PRKG1: variants seen among roughly 807,000 people sequenced by gnomAD.
PRKG1 encodes protein kinase cGMP-dependent 1, also known as cGMP-dependent protein kinase 1.
Under a neutral mutation model 88.1 loss-of-function variants are expected in PRKG1, and 35 were observed. That is an observed-to-expected ratio of 0.40 (90% CI 0.30 to 0.53). The LOEUF is 0.53. Ranked by LOEUF, PRKG1 falls within the 20% of genes least tolerant of loss-of-function variation. The pLI is 0.59. For synonymous variants in PRKG1, 303 were observed against 292.5 expected (o/e 1.04, Z -0.37); for missense variants, 540 against 839.8 (o/e 0.64, Z 4.41).
intron 5 of PRKG1, among the ~76,000 whole-genome samples, chr10:51,978,285 T>C (rs1055004362): frequency 6.6e-6 from 1 of 152,048 alleles, no homozygotes; most frequent in Non-Finnish European, 1.5e-5. Context: ...TGTGACCTTA[T>C]TACTCGTCTC....
intron 16 of PRKG1, among the ~76,000 whole-genome samples, 175 bp downstream of exon 16, chr10:52,289,168 T>C (rs1317766598): frequency 6.6e-6 from 1 of 152,154 alleles, no homozygotes; most frequent in Non-Finnish European, 1.5e-5. Flanking sequence ...ACCTTATTTA[T>C]ATTTATCTGA....
At chr10:52,152,874 G>T (rs1001589029) in intron 8 of PRKG1, among the ~76,000 whole-genome samples, 4 of 152,072 alleles carry the variant, frequency 2.6e-5, no homozygotes. Flanking sequence ...GGAAGGAAGA[G>T]GACAATCTAG....
chr10:52,179,500 C>T (rs559392174), intron 9 of PRKG1, among the ~76,000 whole-genome samples: 1 of 152,162 alleles, frequency 6.6e-6, no homozygotes, highest in African/African-American at 2.4e-5. Flanking sequence ...TGACACTTTT[C>T]TCTTGCTGTT....
intron 2 of PRKG1, among the ~76,000 whole-genome samples, chr10:51,374,433 T>C (rs1393684071): frequency 1.3e-5 from 2 of 152,136 alleles, no homozygotes; most frequent in South Asian, 4.2e-4. Context: ...TCCTTTTTTA[T>C]GGCTGCAGAG....
At chr10:51,993,106 A>C in intron 5 of PRKG1, among the ~76,000 whole-genome samples, 1 of 152,218 alleles carries the variant, frequency 6.6e-6, no homozygotes, top group East Asian at 1.9e-4. Context: ...ATGAGAAAAA[A>C]TGTTAGTAAC....
chr10:51,017,837 T>C (rs1425871183), intron 1 of PRKG1, among the ~76,000 whole-genome samples: 2 of 152,194 alleles, frequency 1.3e-5, no homozygotes, highest in East Asian at 3.9e-4. Context: ...TCTTGCTTTG[T>C]TGTCCAAGCT....
At chr10:52,278,163 C>A (rs1460616257) in intron 12 of PRKG1, among the ~76,000 whole-genome samples, 1 of 152,084 alleles carries the variant, frequency 6.6e-6, no homozygotes, top group African/African-American at 2.4e-5. Context: ...AGGATATGAA[C>A]AGACACTTCT....
intron 3 of PRKG1, among the ~76,000 whole-genome samples, chr10:51,626,329 T>C (rs1053035844): frequency 5.3e-5 from 8 of 152,236 alleles, no homozygotes; most frequent in Non-Finnish European, 1.2e-4. Flanking sequence ...AAAAACATAG[T>C]TGACATTTTA....
chr10:52,100,324 A>G (rs1284624304), intron 7 of PRKG1, among the ~76,000 whole-genome samples: 2 of 152,246 alleles, frequency 1.3e-5, no homozygotes, highest in Non-Finnish European at 2.9e-5. Flanking sequence ...GTGTTTGACT[A>G]GTTTTCCAGG....
intron 3 of PRKG1, among the ~76,000 whole-genome samples, chr10:51,738,321 C>A (rs1218104206): frequency 5.3e-5 from 8 of 152,062 alleles, no homozygotes; most frequent in Non-Finnish European, 1.0e-4. Context: ...TTTGTAGGAT[C>A]CATGTCTAGG....
At chr10:51,500,087 AT>A (rs775937084) in intron 3 of PRKG1, among the ~76,000 whole-genome samples, 1 of 152,112 alleles carries the variant, frequency 6.6e-6, no homozygotes, top group Non-Finnish European at 1.5e-5. Context: ...TTCAATATTT[AT>A]TTTTTTATTG....
chr10:51,065,488 T>A (rs994517662), intron 1 of PRKG1, among the ~76,000 whole-genome samples: 5 of 151,872 alleles, frequency 3.3e-5, no homozygotes, highest in Non-Finnish European at 5.9e-5. Flanking sequence ...TAGGGATGTA[T>A]TTTTTTTCCA....
chr10:52,173,975 T>C lies in PRKG1; in HGVS notation c.1076+12012T>C, dbSNP rs551181879. On this transcript the variant is annotated intron_variant, in intron 9 of 17. Coordinates refer to ENST00000373980, the MANE Select transcript of PRKG1 (RefSeq NM_006258.4). Reference sequence around the variant, plus strand: ...ACTAAGTTTTTTGTTGAAATGACCCTGAAAATTTGGTTCAGCCCAGTATGC... The same window carrying C: ...ACTAAGTTTTTTGTTGAAATGACCCCGAAAATTTGGTTCAGCCCAGTATGC... 3.2e-4 allele frequency among the ~76,000 whole-genome samples: 48 copies of C among 152,276 alleles called. 1 individual carries two copies. The highest frequency in any genetic ancestry group is 2.7e-3 in the Admixed American group (42 of 15,300).
At chr10:52,188,794 A>G (rs1332938428) in intron 9 of PRKG1, among the ~76,000 whole-genome samples, 1 of 152,186 alleles carries the variant, frequency 6.6e-6, no homozygotes, top group Non-Finnish European at 1.5e-5. Context: ...CAAGGTGCAC[A>G]TCTTTCAATA....
chr10:51,337,817 T>G (rs1432415142), intron 2 of PRKG1, among the ~76,000 whole-genome samples: 1 of 152,158 alleles, frequency 6.6e-6, no homozygotes, highest in Non-Finnish European at 1.5e-5. Context: ...GTAGATTAGT[T>G]CAACCATTTG....
intron 1 of PRKG1, among the ~76,000 whole-genome samples, chr10:51,146,154 A>G (rs1011205752): frequency 6.6e-6 from 1 of 151,680 alleles, no homozygotes; most frequent in African/African-American, 2.4e-5. Context: ...ACACCACTGC[A>G]CTCCAGCCTG....
intron 1 of PRKG1, among the ~76,000 whole-genome samples, chr10:51,085,250 C>A (rs1844219287): frequency 6.6e-6 from 1 of 152,160 alleles, no homozygotes; most frequent in South Asian, 2.1e-4. Flanking sequence ...TCACTGGTGA[C>A]TAAGTAACAC....
chr10:51,551,109 T>G (rs1274609650), intron 3 of PRKG1, among the ~76,000 whole-genome samples: 1 of 151,900 alleles, frequency 6.6e-6, no homozygotes, highest in African/African-American at 2.4e-5. Flanking sequence ...TGTGCAATGG[T>G]ATAACTTTTG....
At chr10:51,628,160 C>A (rs12413035) in intron 3 of PRKG1, among the ~76,000 whole-genome samples, 13,992 of 51,152 alleles carry the variant, frequency 0.27, 930 homozygotes, top group Admixed American at 0.36. Context: ...TTCTTTCTTT[C>A]TTTATTTATT....
Sources: allele counts gnomAD v4.1 joint callset (sites outside exome capture counted in the v4.1 genomes callset), GRCh38; gene constraint gnomAD v4.1.1; transcripts MANE v1.5; gene names NCBI Gene and HGNC (gene_info 2026-07-23, HGNC 2026-07-21).